WWOX: variants seen among roughly 807,000 people sequenced by gnomAD.
The protein encoded by WWOX is WW domain containing oxidoreductase, also known as WW domain-containing oxidoreductase.
Under a neutral mutation model 46.2 loss-of-function variants are expected in WWOX, and 69 were observed. The ratio of observed to expected loss-of-function variants is 1.49; its 90% CI spans 1.23 to 1.82. The LOEUF is 1.82. WWOX is among the 40% of genes most tolerant of loss of function. WWOX has a pLI of 0.00. For missense variants in WWOX, 919 were observed against 542.6 expected (o/e 1.69, Z -6.89); for synonymous variants, 359 against 202.6 (o/e 1.77, Z -6.56).
chr16:78,949,200 G>C (rs556834206), intron 8 of WWOX, among the ~76,000 whole-genome samples: 1 of 152,270 alleles, frequency 6.6e-6, no homozygotes, highest in South Asian at 2.1e-4. Context: ...AGCCCAGGCT[G>C]GCTGACACCT....
intron 8 of WWOX, among the ~76,000 whole-genome samples, chr16:78,758,814 G>C (rs1352086727): frequency 6.6e-6 from 1 of 151,720 alleles, no homozygotes; most frequent in Non-Finnish European, 1.5e-5. Context: ...CTATAAGGAG[G>C]ATGTATCTCA....
intron 8 of WWOX, among the ~76,000 whole-genome samples, chr16:78,918,430 A>G (rs2045302391): frequency 6.7e-6 from 1 of 148,572 alleles, no homozygotes; most frequent in Non-Finnish European, 1.5e-5. Context: ...CTATCCCTTT[A>G]TTTTCTGGCA....
chr16:78,516,511 C>G (rs1201124064), intron 8 of WWOX, among the ~76,000 whole-genome samples: 1 of 152,188 alleles, frequency 6.6e-6, no homozygotes, highest in African/African-American at 2.4e-5. Context: ...TTGACATCAT[C>G]TCTTCAAATA....
intron 8 of WWOX, among the ~76,000 whole-genome samples, chr16:78,952,607 C>A (rs929057825): frequency 6.6e-6 from 1 of 152,090 alleles, no homozygotes; most frequent in East Asian, 1.9e-4. Context: ...TGGTCTTGAA[C>A]TCTTGGCCTC....
intron 8 of WWOX, among the ~76,000 whole-genome samples, chr16:78,593,875 T>A (rs1195961411): frequency 6.6e-6 from 1 of 152,176 alleles, no homozygotes; most frequent in Non-Finnish European, 1.5e-5. Context: ...ATTTGTAAGC[T>A]GTAGACAAAC....
rs573683309 is a variant in WWOX at position 78,388,948 on chromosome 16, G to A, written c.605+2000G>A. Among the ~76,000 whole-genome samples, 810 of 146,094 alleles carry A rather than the reference G, an allele frequency of 5.5e-3. 8 individuals are homozygous for A. The highest frequency in any genetic ancestry group is 4.8e-3 in the Non-Finnish European group (316 of 66,496). On this transcript the variant is annotated intron_variant, in intron 6 of 8. Coordinates refer to ENST00000566780, the MANE Select transcript of WWOX (RefSeq NM_016373.4). ...TGAACCAGTGCACTCCAGCCCGGGT[G>A]ACAAGAGCAAAACTCTGTCTCAAAA... is the stretch of plus-strand genomic sequence containing the variant.
intron 8 of WWOX, among the ~76,000 whole-genome samples, chr16:78,523,474 G>A (rs189398750): frequency 8.7e-4 from 132 of 152,282 alleles, no homozygotes; most frequent in African/African-American, 3.1e-3. Context: ...AAGGTCACGG[G>A]CTTAGTAGCA....
intron 5 of WWOX, among the ~76,000 whole-genome samples, chr16:78,263,661 A>G (rs1436720599): frequency 1.3e-5 from 2 of 152,220 alleles, no homozygotes; most frequent in Non-Finnish European, 2.9e-5. Context: ...AAGTGCCACC[A>G]GTCCATTTTG....
At chr16:79,009,516 G>A (rs1043754561) in intron 8 of WWOX, among the ~76,000 whole-genome samples, 1 of 152,090 alleles carries the variant, frequency 6.6e-6, no homozygotes. Flanking sequence ...CACCTAGGCT[G>A]GAGTGTAGTG....
intron 4 of WWOX, among the ~76,000 whole-genome samples, chr16:78,140,180 G>T (rs899432443): frequency 6.6e-6 from 1 of 152,166 alleles, no homozygotes; most frequent in Admixed American, 6.5e-5. Flanking sequence ...TGAGTAAAAT[G>T]GAGCTGTGAG....
At position 79,191,119 on chromosome 16, in the gene WWOX, C is replaced by T. The variant is rs141579508; in HGVS notation, c.1057-20489C>T. Among the ~76,000 whole-genome samples the T allele has an allele frequency of 1.1e-3, 171 of 152,212 alleles. 1 individual carries two copies. The highest frequency in any genetic ancestry group is 4.0e-3 in the African/African-American group (166 of 41,540). On this transcript the variant is annotated intron_variant, in intron 8 of 8. Coordinates refer to ENST00000566780, the MANE Select transcript of WWOX (RefSeq NM_016373.4). ...CCCAGGCTGGAGTGCAGTGGCACAA[C>T]CTTGGCTCAGTGCAGCCTCCGCCTC... is the stretch of plus-strand genomic sequence containing the variant.
At chr16:78,759,873 C>G (rs1468156021) in intron 8 of WWOX, among the ~76,000 whole-genome samples, 1 of 152,158 alleles carries the variant, frequency 6.6e-6, no homozygotes, top group African/African-American at 2.4e-5. Flanking sequence ...ATCTTCCAGT[C>G]TCTAGAGGCT....
At position 78,250,427 on chromosome 16, in the gene WWOX, C is replaced by T. The variant is rs370404183; in HGVS notation, c.516+86138C>T. Among the ~76,000 whole-genome samples the T allele has an allele frequency of 8.1e-4, 122 of 151,002 alleles. 1 individual carries two copies. The South Asian group carries it at 0.016, about 20-fold the overall frequency. On this transcript the variant is annotated intron_variant, in intron 5 of 8. Transcript: ENST00000566780. ...ACAACGAACAACATTTTTTTTTTGG[C>T]AAGATTAAGTGAGATCTTCCATTTG...
chr16:78,306,582 T>C (rs1342911928), intron 5 of WWOX, among the ~76,000 whole-genome samples: 1 of 152,142 alleles, frequency 6.6e-6, no homozygotes, highest in Non-Finnish European at 1.5e-5. Flanking sequence ...GGATATTTCT[T>C]ACTCCAGATC....
chr16:78,454,980 G>C (rs1344904853), intron 8 of WWOX, among the ~76,000 whole-genome samples: 4 of 152,216 alleles, frequency 2.6e-5, no homozygotes, highest in African/African-American at 9.6e-5. Flanking sequence ...TGCCCCACAT[G>C]TCAGGTACTG....
At chr16:78,154,006 A>C (rs12716850) in intron 4 of WWOX, among the ~76,000 whole-genome samples, 1 of 151,710 alleles carries the variant, frequency 6.6e-6, no homozygotes, top group Non-Finnish European at 1.5e-5. Flanking sequence ...CACCTGTCCA[A>C]CCTACCAGTG....
intron 8 of WWOX, among the ~76,000 whole-genome samples, chr16:79,027,256 G>A (rs1597296826): frequency 7.1e-6 from 1 of 141,634 alleles, no homozygotes; most frequent in African/African-American, 2.7e-5. Context: ...CTTCAGCCTG[G>A]GTGACAGAGA....
At chr16:78,928,051 A>G (rs564390096) in intron 8 of WWOX, among the ~76,000 whole-genome samples, 2 of 152,230 alleles carry the variant, frequency 1.3e-5, no homozygotes, top group East Asian at 3.9e-4. Flanking sequence ...AAAAAATATC[A>G]TACTCTCAGA....
At chr16:78,847,628 C>G (rs1025353638) in intron 8 of WWOX, among the ~76,000 whole-genome samples, 1 of 152,038 alleles carries the variant, frequency 6.6e-6, no homozygotes, top group East Asian at 1.9e-4. Flanking sequence ...GCCACTGCAT[C>G]TAGCCACAAC....
Sources: allele counts gnomAD v4.1 joint callset (sites outside exome capture counted in the v4.1 genomes callset), GRCh38; gene constraint gnomAD v4.1.1; transcripts MANE v1.5; gene names NCBI Gene and HGNC (gene_info 2026-07-23, HGNC 2026-07-21).